Variants in TG observed in about 807,000 individuals in gnomAD.
The protein encoded by TG is thyroglobulin.
TG carries 270 observed loss-of-function variants against 324.7 expected under a neutral mutation model. That is an observed-to-expected ratio of 0.83 (90% CI 0.75 to 0.92). The LOEUF is 0.92. Among genes scored for constraint, TG ranks in the 40% least tolerant of loss-of-function variants. The probability of loss-of-function intolerance (pLI) is 0.00; values close to 1 mark genes in which losing one functional copy is unlikely to be tolerated. For missense variants in TG, 3,591 were observed against 3,456.4 expected, an observed-to-expected ratio of 1.04 and a Z score of -0.98; for synonymous variants, 1,401 against 1,327.0, an observed-to-expected ratio of 1.06 and a Z score of -1.21.
chr8:133,113,441 G>C lies in TG; in HGVS notation c.7592G>C (p.Gly2531Ala), dbSNP rs761057592. Residue 2531 changes from glycine (G) to alanine (A), a missense_variant, in exon 44 of 48, where the codon GGC becomes GCC. Transcript: ENST00000220616. The stretch of plus-strand genomic sequence containing the variant: ...TTCTAGCAATTTGAGGAAAGTCGAG[G>C]CCGGACCAGTAGCAAAACAGCCTTT... ...KAVKQFEESR[G>A]RTSSKTAFYQ... The C allele has an allele frequency of 6.2e-7, 1 of 1,613,822 alleles. No homozygotes were observed. The highest frequency in any genetic ancestry group is 1.3e-5 in the African/African-American group (1 of 74,836).
At chr8:133,073,966 C>T (rs900938965) in intron 41 of TG, among the ~76,000 whole-genome samples, 2 of 152,146 alleles carry the variant, frequency 1.3e-5, no homozygotes, top group Non-Finnish European at 2.9e-5. Context: ...CCCAGCCACT[C>T]GGGATGGTGG....
At chr8:132,941,062 A>G (rs1824372679) in intron 25 of TG, among the ~76,000 whole-genome samples, 2 of 152,240 alleles carry the variant, frequency 1.3e-5, no homozygotes, top group South Asian at 4.1e-4. Context: ...AATAATAAAC[A>G]TAAAAATATA....
chr8:133,110,294 C>A (rs768545373), intron 43 of TG, among the ~76,000 whole-genome samples: 2 of 152,148 alleles, frequency 1.3e-5, no homozygotes, highest in Non-Finnish European at 2.9e-5. Context: ...ACTTGGCCCT[C>A]GAATTTGGCA....
chr8:132,996,309 A>G (rs997819349), intron 35 of TG, among the ~76,000 whole-genome samples: 4 of 152,246 alleles, frequency 2.6e-5, no homozygotes, highest in Non-Finnish European at 5.9e-5. Flanking sequence ...TCTATTAACT[A>G]ATTGACTCAA....
chr8:132,885,510 T>C (rs940722790), intron 8 of TG, among the ~76,000 whole-genome samples: 1 of 152,238 alleles, frequency 6.6e-6, no homozygotes, highest in East Asian at 1.9e-4. Context: ...ATTTCAGATA[T>C]GGTTCTTGCC....
intron 21 of TG, among the ~76,000 whole-genome samples, chr8:132,922,719 G>A (rs554496475): frequency 6.6e-6 from 1 of 152,296 alleles, no homozygotes; most frequent in South Asian, 2.1e-4. Flanking sequence ...TCTGATAAAG[G>A]TATCACAGAT....
intron 38 of TG, among the ~76,000 whole-genome samples, chr8:133,018,981 A>T (rs1835311432): frequency 6.6e-6 from 1 of 152,264 alleles, no homozygotes; most frequent in African/African-American, 2.4e-5. Context: ...ATATGCGTGA[A>T]TTAAAGTGCC....
At chr8:133,131,699 T>C (rs1248385394) in intron 45 of TG, 113 bp from the exon 46 acceptor site, 1 of 1,475,314 alleles carries the variant, frequency 6.8e-7, no homozygotes, top group Non-Finnish European at 9.2e-7. Flanking sequence ...GGATATGATA[T>C]AAAGAAGGGA....
chr8:132,882,544 C>T lies in TG; in HGVS notation c.821C>T (p.Thr274Ile). 6.2e-7 allele frequency: 1 copy of T among 1,614,212 alleles called. No individual in the cohort carries two copies. The highest frequency in any genetic ancestry group is 2.2e-5 in the East Asian group (1 of 44,882). Residue 274 changes from threonine to isoleucine, a missense_variant, in exon 7 of 48, where the codon ACC (threonine) becomes ATC (isoleucine). Physicochemically the swap from Thr to Ile is moderately conservative, Grantham distance 89 (BLOSUM62 -1). Coordinates refer to ENST00000220616, the MANE Select transcript of TG (RefSeq NM_003235.5). Reference protein sequence around the residue: ...GLDLPSTFTETTLYRILQRRF... With the variant: ...GLDLPSTFTEITLYRILQRRF... ...GACCTTCCTTCCACCTTCACTGAAA[C>T]CACCCTGTACCGGATACTGCAGAGA... is the stretch of plus-strand genomic sequence containing the variant.
intron 41 of TG, among the ~76,000 whole-genome samples, chr8:133,058,160 C>T (rs1264559125): frequency 6.6e-6 from 1 of 152,228 alleles, no homozygotes; most frequent in African/African-American, 2.4e-5. Context: ...GGCATCACTG[C>T]ACCGCCTTCC....
intron 43 of TG, among the ~76,000 whole-genome samples, chr8:133,110,489 C>G (rs1453702972): frequency 6.6e-6 from 1 of 152,164 alleles, no homozygotes; most frequent in Non-Finnish European, 1.5e-5. Context: ...AGCAAGAGAG[C>G]CTTCTTCCAT....
chr8:133,118,567 G>A (rs1244394954), intron 45 of TG, among the ~76,000 whole-genome samples: 1 of 151,980 alleles, frequency 6.6e-6, no homozygotes, highest in Non-Finnish European at 1.5e-5. Context: ...TCAAGTGATC[G>A]ATCTGCCTCG....
intron 41 of TG, among the ~76,000 whole-genome samples, chr8:133,051,653 G>A (rs1019296818): frequency 6.6e-6 from 1 of 152,150 alleles, no homozygotes; most frequent in Non-Finnish European, 1.5e-5. Flanking sequence ...GGGCTGTCTG[G>A]TTCCTGACTG....
chr8:132,888,404 A>T lies in TG; in HGVS notation c.2597A>T (p.Tyr866Phe), dbSNP rs200020471. The change falls in exon 10 of 48, where the codon TAC (tyrosine) becomes TTC (phenylalanine). Residue 866 changes from tyrosine (Y) to phenylalanine (F), a missense_variant. Coordinates refer to ENST00000220616, the MANE Select transcript of TG (RefSeq NM_003235.5). Reference protein sequence around the residue: ...QPRENILLEPYLFWQILNGQL... With the variant: ...QPRENILLEPFLFWQILNGQL... ...AGGGAGAATATCCTCCTGGAGCCCTACCTCTTCTGGCAGATCTTAAATGGC... is the reference window on the plus strand; with the variant it reads ...AGGGAGAATATCCTCCTGGAGCCCTTCCTCTTCTGGCAGATCTTAAATGGC... 7 of 1,613,716 alleles carry T rather than the reference A, an allele frequency of 4.3e-6. No individual in the cohort carries two copies. Among genetic ancestry groups the T allele is most frequent in the African/African-American group, 2.7e-5 (2 of 74,870 alleles).
intron 27 of TG, among the ~76,000 whole-genome samples, chr8:132,956,846 G>A (rs1202655848): frequency 1.3e-5 from 2 of 152,090 alleles, no homozygotes; most frequent in African/African-American, 4.8e-5. Flanking sequence ...TAGGAGTTGT[G>A]GTAAGGCTTG....
chr8:133,017,970 C>T lies in TG; in HGVS notation c.6755C>T (p.Thr2252Ile). Residue 2252 changes from threonine (T) to isoleucine (I), a missense_variant, in exon 38 of 48, where the codon ACA becomes ATA. Physicochemically the swap from Thr to Ile is moderately conservative, Grantham distance 89 (BLOSUM62 -1). Coordinates refer to ENST00000220616, the MANE Select transcript of TG (RefSeq NM_003235.5). ...RFQAPEPLNW[T>I]GSWDASKPRA... The stretch of plus-strand genomic sequence containing the variant: ...CAGGCACCAGAGCCCTTGAACTGGA[C>T]AGGCTCCTGGGATGCCAGCAAGCCA... 2 of 1,614,214 alleles carry T rather than the reference C, an allele frequency of 1.2e-6. No individual in the cohort carries two copies. Among genetic ancestry groups the T allele is most frequent in the Non-Finnish European group, 1.7e-6 (2 of 1,180,042 alleles).
intron 21 of TG, among the ~76,000 whole-genome samples, chr8:132,920,240 GT>G (rs542057892): frequency 6.6e-6 from 1 of 152,096 alleles, no homozygotes; most frequent in Non-Finnish European, 1.5e-5. Flanking sequence ...GTATTGTTGG[GT>G]TTTTTTCCTA....
chr8:133,070,430 T>C (rs1843826596), intron 41 of TG, among the ~76,000 whole-genome samples: 1 of 152,176 alleles, frequency 6.6e-6, no homozygotes, highest in African/African-American at 2.4e-5. Context: ...GCGGAGGGCC[T>C]AAAGGAGATG....
At chr8:133,027,263 G>A (rs1005560633) in intron 40 of TG, among the ~76,000 whole-genome samples, 1 of 152,214 alleles carries the variant, frequency 6.6e-6, no homozygotes, top group Non-Finnish European at 1.5e-5. Context: ...CTGAGCAGAG[G>A]AGTAGGAGCC....
Sources: allele counts gnomAD v4.1 joint callset (sites outside exome capture counted in the v4.1 genomes callset), GRCh38; gene constraint gnomAD v4.1.1; transcripts MANE v1.5; gene names NCBI Gene and HGNC (gene_info 2026-07-23, HGNC 2026-07-21).